The following GSE1 variants were observed in gnomAD, a reference collection of about 807,000 sequenced individuals.
GSE1 encodes genetic suppressor element 1.
A neutral mutation model predicts 112.6 loss-of-function variants in GSE1; 32 were observed. That is an observed-to-expected ratio of 0.28 (90% CI 0.21 to 0.38). The LOEUF is 0.38. GSE1 is among the 10% of genes least tolerant of loss of function. The pLI is 1.00. For synonymous variants in GSE1, 1,115 were observed against 735.6 expected, an observed-to-expected ratio of 1.52 and a Z score of -8.35; for missense variants, 2,348 against 1,699.2, an observed-to-expected ratio of 1.38 and a Z score of -6.71.
At chr16:85,521,589 C>A (rs1316864202) in intron 2 of GSE1, among the ~76,000 whole-genome samples, 1 of 152,260 alleles carries the variant, frequency 6.6e-6, no homozygotes, top group Non-Finnish European at 1.5e-5. Context: ...ACAGTGGTGT[C>A]CCTGAAGTCC....
chr16:85,353,515 C>T (rs1042829759), intron 1 of GSE1, among the ~76,000 whole-genome samples: 2 of 152,022 alleles, frequency 1.3e-5, no homozygotes, highest in African/African-American at 4.8e-5. Context: ...GACACTTCAT[C>T]ATCAGGAGAG....
intron 2 of GSE1, among the ~76,000 whole-genome samples, chr16:85,479,844 C>G (rs913633936): frequency 1.1e-4 from 17 of 152,276 alleles, no homozygotes; most frequent in African/African-American, 3.8e-4. Flanking sequence ...GTCATAATTC[C>G]TAGTACAGAG....
chr16:85,189,795 G>C (rs184805807), intron 1 of GSE1, among the ~76,000 whole-genome samples: 145 of 152,296 alleles, frequency 9.5e-4, no homozygotes, highest in Middle Eastern at 3.4e-3. Context: ...AGTCAAATTA[G>C]TTGATAAAAC....
chr16:85,555,396 G>A (rs369205706), upstream of GSE1: 23 of 984,130 alleles, frequency 2.3e-5, no homozygotes, highest in Non-Finnish European at 2.7e-5. Flanking sequence ...ACCAAAAAAG[G>A]GGGGGGAGGG....
chr16:85,197,431 C>T (rs1386205445), intron 1 of GSE1, among the ~76,000 whole-genome samples: 7 of 152,204 alleles, frequency 4.6e-5, no homozygotes, highest in African/African-American at 1.4e-4. Flanking sequence ...TTGCTTACAG[C>T]GTCTTTAACT....
At chr16:85,569,841 C>T (rs1052755144) in intron 1 of GSE1, among the ~76,000 whole-genome samples, 1 of 152,214 alleles carries the variant, frequency 6.6e-6, no homozygotes, top group Non-Finnish European at 1.5e-5. Flanking sequence ...GGGGGCCTTG[C>T]ACCTGCCCAC....
At chr16:85,306,930 C>A (rs573711864) in intron 1 of GSE1, among the ~76,000 whole-genome samples, 1 of 152,348 alleles carries the variant, frequency 6.6e-6, no homozygotes, top group Admixed American at 6.5e-5. Context: ...CTGTTATGCA[C>A]TGGGGCACAA....
At chr16:85,495,459 T>G (rs1257866249) in intron 2 of GSE1, among the ~76,000 whole-genome samples, 1 of 147,578 alleles carries the variant, frequency 6.8e-6, no homozygotes, top group Admixed American at 6.7e-5. Context: ...ATTTATTTAT[T>G]TATTTATTTA....
chr16:85,386,716 G>T (rs1249926919), intron 2 of GSE1, among the ~76,000 whole-genome samples: 2 of 152,324 alleles, frequency 1.3e-5, no homozygotes, highest in Non-Finnish European at 2.9e-5. Context: ...TGAGTCAGTG[G>T]TCAGGAAAGT....
At chr16:85,481,144 T>TC (rs1390161643) in intron 2 of GSE1, among the ~76,000 whole-genome samples, 2 of 151,520 alleles carry the variant, frequency 1.3e-5, no homozygotes, top group Admixed American at 1.3e-4. Flanking sequence ...ACCCGGTCCA[T>TC]CCCCAAGCAG....
intron 2 of GSE1, among the ~76,000 whole-genome samples, chr16:85,372,263 G>A (rs2047317306): frequency 6.6e-6 from 1 of 152,036 alleles, no homozygotes; most frequent in Non-Finnish European, 1.5e-5. Flanking sequence ...GATCACTTGA[G>A]CCCAGGAGTT....
intron 2 of GSE1, among the ~76,000 whole-genome samples, chr16:85,369,810 T>A (rs1329028499): frequency 6.6e-6 from 1 of 152,220 alleles, no homozygotes; most frequent in East Asian, 1.9e-4. Context: ...CAATTAGTCA[T>A]TTATTGAGCG....
At chr16:85,546,617 T>G (rs1398454958) in intron 2 of GSE1, among the ~76,000 whole-genome samples, 4 of 152,194 alleles carry the variant, frequency 2.6e-5, no homozygotes, top group African/African-American at 9.7e-5. Flanking sequence ...GGAGAAGGTA[T>G]TCATAACAAA....
At chr16:85,600,917 C>T (rs774583406) in intron 1 of GSE1, among the ~76,000 whole-genome samples, 4 of 152,124 alleles carry the variant, frequency 2.6e-5, no homozygotes, top group Non-Finnish European at 5.9e-5. Flanking sequence ...GTCTCCTCTC[C>T]AACGGCTCAG....
chr16:85,325,233 T>C (rs1339740789), intron 1 of GSE1, among the ~76,000 whole-genome samples: 1 of 152,018 alleles, frequency 6.6e-6, no homozygotes, highest in East Asian at 1.9e-4. Flanking sequence ...TCTCTCAAAG[T>C]ACTTGGATTA....
chr16:85,481,656 C>G (rs369244417), intron 2 of GSE1, among the ~76,000 whole-genome samples: 3 of 152,160 alleles, frequency 2.0e-5, no homozygotes, highest in African/African-American at 4.8e-5. Context: ...GGAGCTGAGA[C>G]GAGCAGGTGG....
At chr16:85,424,836 C>A (rs769697678) in intron 2 of GSE1, among the ~76,000 whole-genome samples, 1 of 152,270 alleles carries the variant, frequency 6.6e-6, no homozygotes, top group African/African-American at 2.4e-5. Flanking sequence ...CCAGCGCTGC[C>A]CGCGCAGCTG....
At position 85,261,974 on chromosome 16, in the gene GSE1, G is replaced by A. The variant is rs150975015; in HGVS notation, c.2283+90167G>A. Among the ~76,000 whole-genome samples, 3 of 152,196 alleles carry A rather than the reference G, an allele frequency of 2.0e-5. No homozygotes were observed. In the East Asian group the frequency reaches 5.8e-4, roughly 29 times the overall value. On this transcript the variant is annotated intron_variant, in intron 1 of 2. Transcript: ENST00000637419. ...CCCCATGCCTTATGTCGGGATGTTT[G>A]TCTCCCCCACTTTACAGATGGGCAG...
intron 2 of GSE1, chr16:85,490,012 AC>A (rs1269927617): frequency 6.6e-6 from 1 of 152,244 alleles, no homozygotes; most frequent in African/African-American, 2.4e-5. Flanking sequence ...AGCCCTGCCC[AC>A]CCCTGGATTT....
Sources: allele counts gnomAD v4.1 joint callset (sites outside exome capture counted in the v4.1 genomes callset), GRCh38; gene constraint gnomAD v4.1.1; transcripts MANE v1.5; gene names NCBI Gene and HGNC (gene_info 2026-07-23, HGNC 2026-07-21).